ANK2: variants seen among roughly 807,000 people sequenced by gnomAD.
The protein encoded by ANK2 is ankyrin-2.
In ANK2, 83 loss-of-function variants were observed where a neutral mutation model predicts 360.5. That is an observed-to-expected ratio of 0.23 (90% confidence interval 0.19 to 0.28). ANK2 has a LOEUF of 0.28. Among genes scored for constraint, ANK2 ranks in the 10% least tolerant of loss-of-function variants. The pLI, the probability that ANK2 is intolerant of heterozygous loss-of-function variation, is 1.00. For synonymous variants in ANK2, 1,740 were observed against 1,759.5 expected (o/e 0.99, Z 0.28); for missense variants, 4,201 against 4,795.7 (o/e 0.88, Z 3.66).
intron 2 of ANK2, among the ~76,000 whole-genome samples, chr4:113,028,613 A>G (rs568218298): frequency 3.1e-4 from 47 of 152,278 alleles, no homozygotes; most frequent in Middle Eastern, 6.8e-3. Context: ...GTATGAAGGA[A>G]GGCTGGAGAT....
chr4:113,238,254 G>C (rs564842521), intron 7 of ANK2, among the ~76,000 whole-genome samples: 227 of 152,188 alleles, frequency 1.5e-3, no homozygotes, highest in Non-Finnish European at 2.9e-3. Context: ...TATGTATTTA[G>C]TAGTCTCTCC....
intron 4 of ANK2, among the ~76,000 whole-genome samples, chr4:113,200,290 T>C (rs1164133310): frequency 2.0e-5 from 3 of 152,218 alleles, no homozygotes; most frequent in Admixed American, 6.5e-5. Context: ...AACAGCATTT[T>C]AGGCTTGGAG....
At chr4:113,053,548 G>A (rs541632480) in intron 1 of ANK2, among the ~76,000 whole-genome samples, 7 of 152,126 alleles carry the variant, frequency 4.6e-5, no homozygotes, top group Non-Finnish European at 8.8e-5. Context: ...AAATGTATCC[G>A]TGTAAGACAG....
chr4:113,145,085 A>C lies in ANK2; in HGVS notation c.85-29331A>C, dbSNP rs115448347. Among the ~76,000 whole-genome samples the C allele has an allele frequency of 9.1e-3, 1,382 of 152,272 alleles. 30 individuals are homozygous for C. Among genetic ancestry groups the C allele is most frequent in the African/African-American group, 0.032 (1,321 of 41,566 alleles). ...AAACATTTTCAAAATACTAAAAATT[A>C]AAACGAATTATAAATGAATCAACAT... On this transcript the variant is annotated intron_variant, in intron 1 of 45. Coordinates refer to ENST00000357077, the MANE Select transcript of ANK2 (RefSeq NM_001148.6).
At chr4:113,208,039 T>A (rs10019154) in intron 4 of ANK2, among the ~76,000 whole-genome samples, 53,898 of 150,356 alleles carry the variant, frequency 0.36, 10,474 homozygotes, top group Non-Finnish European at 0.44. Flanking sequence ...GTGTATGAAA[T>A]GAAGCCTGAG....
In ANK2 at chr4:112,880,048, T is replaced by TCACA. The variant is rs150385010; in HGVS notation, c.-39-24395_-39-24392dup. Among the ~76,000 whole-genome samples the TCACA allele has an allele frequency of 2.7e-5, 4 of 146,638 alleles. No homozygotes were observed. In the East Asian group the frequency reaches 7.9e-4, roughly 29 times the overall value. The stretch of plus-strand genomic sequence containing the variant: ...TTTTAACCCAGTAGGACACAGACAC[T>TCACA]CACACACACACACACTCTCTCTCTC... On this transcript the variant is annotated intron_variant, in intron 1 of 30. Transcript: ENST00000503271.
intron 9 of ANK2, among the ~76,000 whole-genome samples, chr4:113,242,828 A>G (rs1294460466): frequency 1.3e-5 from 2 of 152,158 alleles, no homozygotes; most frequent in South Asian, 2.1e-4. Context: ...TAGACAGTAG[A>G]GTTCAGTTGT....
chr4:112,884,545 A>G (rs892522958), intron 1 of ANK2, among the ~76,000 whole-genome samples: 2 of 151,986 alleles, frequency 1.3e-5, no homozygotes, highest in African/African-American at 4.8e-5. Context: ...TTCTTAGCTC[A>G]TAGTCTGTCC....
At position 113,237,016 on chromosome 4, in the gene ANK2, C is replaced by T; in HGVS notation, c.513C>T (p.Leu171=). The change falls in exon 6 of 46, where the codon CTC becomes CTT. Residue 171 remains leucine, a synonymous_variant. Coordinates refer to ENST00000357077, the MANE Select transcript of ANK2 (RefSeq NM_001148.6). ...GCTTTACTCCTCTAGCTGTGGCACT[C>T]CAGCAAGGACACAACCAGGCGGTGG... The part of the protein sequence containing the change: ...EDGFTPLAVA[L]QQGHNQAVAI... 1 of 1,614,162 alleles carries T rather than the reference C, an allele frequency of 6.2e-7. No individual in the cohort carries two copies. The highest frequency in any genetic ancestry group is 1.1e-5 in the South Asian group (1 of 91,080).
In ANK2 at chr4:113,356,406, A is replaced by G; in HGVS notation, c.7788A>G (p.Lys2596=). 6.2e-7 allele frequency: 1 copy of G among 1,614,186 alleles called. No homozygotes were observed. Among genetic ancestry groups the G allele is most frequent in the Non-Finnish European group, 8.5e-7 (1 of 1,179,996 alleles). The change falls in exon 38 of 46, where the codon AAA becomes AAG. Residue 2596 remains lysine (K), a synonymous_variant. Transcript: ENST00000357077. ...EEMFKMVTKI[K]MFDELEQEAK... ...TGTTTAAAATGGTAACCAAAATCAA[A>G]ATGTTTGATGAACTTGAACAAGAAG...
chr4:113,270,128 TCTGA>T (rs2057954558), intron 14 of ANK2, among the ~76,000 whole-genome samples: 1 of 152,222 alleles, frequency 6.6e-6, no homozygotes, highest in African/African-American at 2.4e-5. Context: ...ACCAGTGCAC[TCTGA>T]CTATCGTATA....
chr4:113,085,023 G>C (rs1298303314), intron 1 of ANK2, among the ~76,000 whole-genome samples: 1 of 152,140 alleles, frequency 6.6e-6, no homozygotes, highest in Non-Finnish European at 1.5e-5. Flanking sequence ...TTATTGTTAA[G>C]ATTATAGTTC....
chr4:112,958,466 C>T (rs1386688156), intron 2 of ANK2, among the ~76,000 whole-genome samples: 1 of 152,118 alleles, frequency 6.6e-6, no homozygotes, highest in South Asian at 2.1e-4. Flanking sequence ...TGGCGGCGTG[C>T]GCCTGCAATC....
chr4:113,247,971 T>C (rs2043952337), intron 9 of ANK2, among the ~76,000 whole-genome samples: 1 of 152,356 alleles, frequency 6.6e-6, no homozygotes, highest in Admixed American at 6.5e-5. Context: ...GTCATCACTT[T>C]GCTGGAACAA....
At chr4:112,789,486 C>T in the ANK2 span, among the ~76,000 whole-genome samples, 10 of 152,010 alleles carry the variant, frequency 6.6e-5, no homozygotes, top group East Asian at 1.2e-3. Context: ...TAGAGAAAGG[C>T]CTTGGAAAAA....
At chr4:113,013,280 C>G (rs1475023828) in intron 2 of ANK2, among the ~76,000 whole-genome samples, 1 of 152,112 alleles carries the variant, frequency 6.6e-6, no homozygotes, top group African/African-American at 2.4e-5. Flanking sequence ...GTAGTCCCTA[C>G]CTAGTCAAAG....
intron 1 of ANK2, among the ~76,000 whole-genome samples, chr4:112,821,197 G>A (rs906944267): frequency 4.6e-5 from 7 of 152,116 alleles, no homozygotes; most frequent in African/African-American, 1.7e-4. Flanking sequence ...TTACAGGCAT[G>A]AGCCACCCCG....
intron 4 of ANK2, among the ~76,000 whole-genome samples, chr4:113,201,666 T>A (rs1212567260): frequency 6.6e-6 from 1 of 152,130 alleles, no homozygotes; most frequent in Non-Finnish European, 1.5e-5. Flanking sequence ...ACAAACATAG[T>A]GTTGTTATAA....
chr4:113,151,055 A>C (rs2097057995), intron 1 of ANK2: 1 of 1,280,264 alleles, frequency 7.8e-7, no homozygotes, highest in Non-Finnish European at 1.0e-6. Context: ...TAGCAAATCT[A>C]TTTATGGGAA....
Sources: gnomAD v4.1 joint callset for allele counts (sites outside exome capture counted in the v4.1 genomes callset) on GRCh38, gnomAD v4.1.1 for gene constraint, MANE v1.5 for transcripts, NCBI Gene and HGNC (gene_info 2026-07-23, HGNC 2026-07-21) for gene names.